Variants in MAPRE1 observed in about 807,000 individuals in gnomAD.
The protein encoded by MAPRE1 is microtubule associated protein RP/EB family member 1, also known as microtubule-associated protein RP/EB family member 1.
In MAPRE1, 5 loss-of-function variants were observed where a neutral mutation model predicts 32.1. The observed-to-expected ratio is 0.16, with a 90% CI of 0.08 to 0.33. The LOEUF (loss-of-function observed/expected upper bound fraction) is 0.33, where lower values mean the gene tolerates loss of function less well. MAPRE1 is among the 10% of genes least tolerant of loss of function. The pLI is 1.00. For missense variants in MAPRE1, 209 were observed against 327.2 expected, an observed-to-expected ratio of 0.64 and a Z score of 2.79; for synonymous variants, 122 against 118.9, an observed-to-expected ratio of 1.03 and a Z score of -0.17.
At chr20:32,832,433 A>G (rs1265440389) in intron 2 of MAPRE1, among the ~76,000 whole-genome samples, 2 of 150,482 alleles carry the variant, frequency 1.3e-5, no homozygotes, top group Non-Finnish European at 3.0e-5. Flanking sequence ...ATGAAATGGG[A>G]TGAAATATTG....
intron 5 of MAPRE1, among the ~76,000 whole-genome samples, chr20:32,840,784 A>G (rs1983336184): frequency 6.6e-6 from 1 of 152,208 alleles, no homozygotes; most frequent in East Asian, 1.9e-4. Context: ...GACAGTGAGA[A>G]CCTGCCCAAA....
intron 6 of MAPRE1, among the ~76,000 whole-genome samples, chr20:32,847,690 CTTAA>C (rs1035443543): frequency 6.6e-6 from 1 of 152,148 alleles, no homozygotes; most frequent in African/African-American, 2.4e-5. Flanking sequence ...GGAGCCACAT[CTTAA>C]GTAAGTTCAG....
At chr20:32,844,654 C>T (rs902857911) in intron 5 of MAPRE1, among the ~76,000 whole-genome samples, 5 of 151,380 alleles carry the variant, frequency 3.3e-5, no homozygotes, top group East Asian at 2.0e-4. Context: ...CCTCGTGATC[C>T]GCCTGCCTTG....
chr20:32,848,209 G>A (rs1265010748), intron 6 of MAPRE1, among the ~76,000 whole-genome samples: 2 of 151,672 alleles, frequency 1.3e-5, no homozygotes, highest in African/African-American at 4.8e-5. Flanking sequence ...ACCAGGCTTG[G>A]CTAGTTTTTT....
chr20:32,839,579 G>A (rs1316007200), intron 4 of MAPRE1, among the ~76,000 whole-genome samples, 156 bp from the exon 5 acceptor site: 1 of 152,220 alleles, frequency 6.6e-6, no homozygotes, highest in Non-Finnish European at 1.5e-5. Context: ...AAATGTGGGA[G>A]CGTTGTCTTG....
chr20:32,833,736 T>G lies in MAPRE1; in HGVS notation c.141T>G (p.Phe47Leu). ...TTTCAGGGGCTGCGTATTGTCAGTT[T>G]ATGGACATGCTGTTCCCTGGCTCCA... Reference protein sequence around the residue: ...QLCSGAAYCQFMDMLFPGSIA... With the variant: ...QLCSGAAYCQLMDMLFPGSIA... Residue 47 changes from phenylalanine (F) to leucine (L), a missense_variant, in exon 3 of 7, where the codon TTT (phenylalanine) becomes TTG (leucine). Phe to Leu is a conservative substitution (Grantham distance 22, BLOSUM62 0). Coordinates refer to ENST00000375571, the MANE Select transcript of MAPRE1 (RefSeq NM_012325.3). 1.2e-6 allele frequency: 2 copies of G among 1,613,564 alleles called. No homozygotes were observed. The highest frequency in any genetic ancestry group is 1.7e-6 in the Non-Finnish European group (2 of 1,179,854).
rs149532089 is a variant in MAPRE1, at chr20:32,824,737, C to T, written c.-3-1188C>T. Among the ~76,000 whole-genome samples the T allele has an allele frequency of 2.6e-3, 397 of 150,288 alleles. 2 individuals are homozygous for T. Among genetic ancestry groups the T allele is most frequent in the African/African-American group, 9.3e-3 (380 of 40,762 alleles). On this transcript the variant is annotated intron_variant, in intron 1 of 6. Coordinates refer to ENST00000375571, the MANE Select transcript of MAPRE1 (RefSeq NM_012325.3). The stretch of plus-strand genomic sequence containing the variant: ...ACTGCCTCAACCTCTTGGACTCAGG[C>T]GCTCCTCCCACGTCAGCCTCCCAAA...
chr20:32,821,615 G>GT lies in MAPRE1; in HGVS notation c.-4+1587_-4+1588insT, dbSNP rs563498696. On this transcript the variant is annotated intron_variant, in intron 1 of 6. Transcript: ENST00000375571. Reference sequence around the variant, plus strand: ...AATCCTTACCACCACTTTGTGCAGAGATACTGTTTTACCCATTTTACAGGA... The same window carrying GT: ...AATCCTTACCACCACTTTGTGCAGAGTATACTGTTTTACCCATTTTACAGGA... 3.9e-5 allele frequency among the ~76,000 whole-genome samples: 6 copies of GT among 152,316 alleles called. No homozygotes were observed. The South Asian group carries it at 1.2e-3, about 32-fold the overall frequency.
At chr20:32,824,456 A>G (rs1487030262) in intron 1 of MAPRE1, among the ~76,000 whole-genome samples, 1 of 152,234 alleles carries the variant, frequency 6.6e-6, no homozygotes, top group Non-Finnish European at 1.5e-5. Context: ...CCTCACCTGT[A>G]AAATGAGGGA....
chr20:32,830,076 A>T (rs1352831874), intron 2 of MAPRE1, among the ~76,000 whole-genome samples: 1 of 152,138 alleles, frequency 6.6e-6, no homozygotes, highest in African/African-American at 2.4e-5. Context: ...TCCTCTGCAC[A>T]TGTAGAGGGG....
intron 1 of MAPRE1, among the ~76,000 whole-genome samples, chr20:32,820,444 C>G (rs1323210451): frequency 6.6e-6 from 1 of 152,104 alleles, no homozygotes; most frequent in Non-Finnish European, 1.5e-5. Context: ...GTGGTGGAGT[C>G]AGACCTGGGT....
chr20:32,835,364 G>GTTTTTTTTTTT (rs71190879), intron 3 of MAPRE1, among the ~76,000 whole-genome samples: 13,537 of 104,898 alleles, frequency 0.13, 2,192 homozygotes, highest in African/African-American at 0.24. Flanking sequence ...TTTTATTGGT[G>GTTTTTTTTTTT]TTTTTTTTTT....
chr20:32,840,927 C>T (rs1393881168), intron 5 of MAPRE1, among the ~76,000 whole-genome samples: 4 of 151,980 alleles, frequency 2.6e-5, no homozygotes, highest in African/African-American at 9.7e-5. Context: ...GGGATTCTTC[C>T]GCCTCAGCCT....
intron 2 of MAPRE1, among the ~76,000 whole-genome samples, chr20:32,833,175 C>T (rs911286745): frequency 1.3e-5 from 2 of 151,862 alleles, no homozygotes; most frequent in South Asian, 2.1e-4. Flanking sequence ...GCACTCCAGC[C>T]TGGGCGACAG....
Position 32,848,976 on chromosome 20 carries a change from C to CG in MAPRE1, c.*249dup, listed in dbSNP as rs1465552482. Reference sequence around the variant, plus strand: ...TCACCTGGAAAACAGAGAGGCTGACCGTGGGGCTCACCATGCGGATGCGGG... The same window carrying CG: ...TCACCTGGAAAACAGAGAGGCTGACCGGTGGGGCTCACCATGCGGATGCGGG... On this transcript the variant is annotated 3_prime_UTR_variant, in exon 7 of 7. Transcript: ENST00000375571. 2.9e-6 allele frequency: 1 copy of CG among 340,144 alleles called. No homozygotes were observed. Among genetic ancestry groups the CG allele is most frequent in the Non-Finnish European group, 5.4e-6 (1 of 186,856 alleles). The allele number at this position is 340,144 out of a possible 1,614,324, so 21.1% of individuals were successfully genotyped here.
chr20:32,833,433 CATG>C (rs936031433), intron 2 of MAPRE1, among the ~76,000 whole-genome samples: 1 of 152,042 alleles, frequency 6.6e-6, no homozygotes, highest in Admixed American at 6.6e-5. Flanking sequence ...ATTTTATTGT[CATG>C]ATGATTACCA....
chr20:32,829,067 C>T (rs1982947141), intron 2 of MAPRE1, among the ~76,000 whole-genome samples: 1 of 151,924 alleles, frequency 6.6e-6, no homozygotes, highest in East Asian at 1.9e-4. Context: ...ATTACAGGTG[C>T]GTGCCACCTG....
At chr20:32,821,861 A>G (rs1158040824) in intron 1 of MAPRE1, among the ~76,000 whole-genome samples, 1 of 152,156 alleles carries the variant, frequency 6.6e-6, no homozygotes, top group Non-Finnish European at 1.5e-5. Context: ...GAGCTTTTTC[A>G]TGGTGGTGGT....
chr20:32,826,514 C>A (rs910242445), intron 2 of MAPRE1, among the ~76,000 whole-genome samples: 8 of 128,564 alleles, frequency 6.2e-5, no homozygotes, highest in African/African-American at 2.2e-4. Context: ...GCCACCACGC[C>A]CGGCCTTTTT....
Sources: allele counts gnomAD v4.1 joint callset (sites outside exome capture counted in the v4.1 genomes callset), GRCh38; gene constraint gnomAD v4.1.1; transcripts MANE v1.5; gene names NCBI Gene and HGNC (gene_info 2026-07-23, HGNC 2026-07-21).